Variants in PAK3 observed in about 807,000 individuals in gnomAD.
PAK3 encodes serine/threonine-protein kinase PAK 3.
PAK3 carries 4 observed loss-of-function variants against 41.0 expected under a neutral mutation model. The observed-to-expected ratio is 0.10, with a 90% CI of 0.05 to 0.22. The LOEUF (loss-of-function observed/expected upper bound fraction) is 0.22. PAK3 is among the 10% of genes least tolerant of loss of function. The probability of loss-of-function intolerance (pLI) is 1.00; values close to 1 mark genes in which losing one functional copy is unlikely to be tolerated. For missense variants in PAK3, 205 were observed against 409.9 expected, an observed-to-expected ratio of 0.50 and a Z score of 4.32; for synonymous variants, 146 against 139.6, an observed-to-expected ratio of 1.05 and a Z score of -0.32.
intron 1 of PAK3, among the ~76,000 whole-genome samples, chrX:110,996,463 G>A (rs776891694): frequency 4.5e-4 from 50 of 111,740 alleles, no homozygotes; most frequent in African/African-American, 1.5e-3. Context: ...TAGACTAAAT[G>A]GTTGTGTCTT....
chrX:111,148,019 G>A, intron 7 of PAK3, 129 bp downstream of exon 7: 2 of 529,071 alleles, frequency 3.8e-6, no homozygotes, highest in Non-Finnish European at 3.2e-6. Context: ...ATCAACATAA[G>A]GAAACCAAAA....
At chrX:110,997,652 G>A (rs1319248374) in intron 1 of PAK3, among the ~76,000 whole-genome samples, 1 of 111,579 alleles carries the variant, frequency 9.0e-6, no homozygotes, top group African/African-American at 3.3e-5. Flanking sequence ...GTAGGTTTTA[G>A]GGGAAATATC....
intron 1 of PAK3, among the ~76,000 whole-genome samples, chrX:110,961,741 A>G (rs1357893477): frequency 8.9e-6 from 1 of 111,910 alleles, no homozygotes; most frequent in African/African-American, 3.3e-5. Context: ...CCATTCTCTC[A>G]CCTTCCATTC....
chrX:110,956,279 A>G (rs1182875919), intron 1 of PAK3, among the ~76,000 whole-genome samples: 2 of 111,413 alleles, frequency 1.8e-5, no homozygotes, highest in Admixed American at 9.5e-5. Flanking sequence ...CTTGAGGAAT[A>G]TATAAGATAA....
chrX:111,087,237 CTTCTA>C (rs773184030), intron 1 of PAK3, among the ~76,000 whole-genome samples: 3 of 108,871 alleles, frequency 2.8e-5, no homozygotes, highest in African/African-American at 1.0e-4. Flanking sequence ...ATATTGTAAA[CTTCTA>C]TTCTGCTGAC....
At chrX:110,960,278 T>A (rs1030801049) in intron 1 of PAK3, among the ~76,000 whole-genome samples, 4 of 112,149 alleles carry the variant, frequency 3.6e-5, no homozygotes, top group Non-Finnish European at 7.5e-5. Context: ...GTGAGGGGGA[T>A]AATCAACCAA....
chrX:111,187,371 A>C (rs2094520985), intron 11 of PAK3, among the ~76,000 whole-genome samples: 2 of 112,281 alleles, frequency 1.8e-5, no homozygotes, highest in Admixed American at 1.9e-4. Flanking sequence ...TCAACCAAAT[A>C]ATAATTATCA....
chrX:111,144,554 T>A lies in PAK3; in HGVS notation c.276+2358T>A, dbSNP rs1323534836. On this transcript the variant is annotated intron_variant, in intron 6 of 17. Coordinates refer to ENST00000372007, the MANE Select transcript of PAK3 (RefSeq NM_002578.5). ...TCCTAATTGTCATAGCACCACTAAT[T>A]TATTGTGTGTTGGGAGGGGATCATA... 2.7e-5 allele frequency among the ~76,000 whole-genome samples: 3 copies of A among 111,498 alleles called. No homozygotes were observed. The East Asian group carries it at 8.5e-4, about 31-fold the overall frequency.
intron 1 of PAK3, 53 bp from the exon 2 acceptor site, chrX:111,097,337 G>C (rs1193674748): frequency 9.4e-6 from 1 of 106,742 alleles, no homozygotes; most frequent in African/African-American, 3.4e-5. Flanking sequence ...CAGGCAAGGA[G>C]AGAGATAGAG....
chrX:110,965,459 T>C (rs760878425), intron 1 of PAK3, among the ~76,000 whole-genome samples: 7 of 112,103 alleles, frequency 6.2e-5, no homozygotes, highest in Non-Finnish European at 1.1e-4. Context: ...TGGCTGACAT[T>C]GTCCCCTTCC....
At chrX:111,079,587 G>A (rs1449759311) in intron 1 of PAK3, among the ~76,000 whole-genome samples, 1 of 112,133 alleles carries the variant, frequency 8.9e-6, no homozygotes, top group Non-Finnish European at 1.9e-5. Flanking sequence ...GGAGATTAAT[G>A]TTGTTTTCAT....
At chrX:111,009,365 G>A (rs2091979219) in intron 1 of PAK3, among the ~76,000 whole-genome samples, 1 of 111,923 alleles carries the variant, frequency 8.9e-6, no homozygotes, top group Admixed American at 9.5e-5. Context: ...CCACTGGAAA[G>A]ATTCCAGGTC....
intron 16 of PAK3, among the ~76,000 whole-genome samples, chrX:111,201,223 A>C (rs949465020): frequency 8.0e-5 from 9 of 112,389 alleles, no homozygotes; most frequent in African/African-American, 2.9e-4. Flanking sequence ...AGGCATCAGG[A>C]GTACTTTTTT....
At chrX:111,001,919 C>T (rs761675187) in intron 1 of PAK3, among the ~76,000 whole-genome samples, 12 of 106,777 alleles carry the variant, frequency 1.1e-4, no homozygotes, top group Non-Finnish European at 2.1e-4. Context: ...GACCAGTCCA[C>T]ACAAGAGTGC....
chrX:111,028,001 G>GTGTGTGTATATACACACATATATA (rs780630460), intron 1 of PAK3, among the ~76,000 whole-genome samples: 1 of 96,199 alleles, frequency 1.0e-5, no homozygotes, highest in Admixed American at 1.2e-4. Context: ...ATATGTGTGT[G>GTGTGTGTATATACACACATATATA]TGTGTATATA....
At chrX:111,203,676 A>G (rs1297985088) in intron 16 of PAK3, among the ~76,000 whole-genome samples, 1 of 111,972 alleles carries the variant, frequency 8.9e-6, no homozygotes, top group Non-Finnish European at 1.9e-5. Flanking sequence ...TTATATGGCT[A>G]GAGAAGAGAG....
At chrX:111,105,813 A>G (rs954802063) in intron 4 of PAK3, among the ~76,000 whole-genome samples, 1 of 111,258 alleles carries the variant, frequency 9.0e-6, no homozygotes, top group Non-Finnish European at 1.9e-5. Context: ...AACCATACAC[A>G]CATATTTTTA....
chrX:110,973,560 G>T (rs1247048935), intron 1 of PAK3, among the ~76,000 whole-genome samples: 1 of 111,971 alleles, frequency 8.9e-6, no homozygotes, highest in Admixed American at 9.5e-5. Flanking sequence ...AGCTCCTGAA[G>T]GAAGCACTAA....
chrX:111,068,349 G>C (rs1044211949), intron 1 of PAK3, among the ~76,000 whole-genome samples: 1 of 112,043 alleles, frequency 8.9e-6, no homozygotes, highest in Non-Finnish European at 1.9e-5. Flanking sequence ...GCCCAGGCTG[G>C]AGTGCAGTGG....
Sources: allele counts gnomAD v4.1 joint callset (sites outside exome capture counted in the v4.1 genomes callset), GRCh38; gene constraint gnomAD v4.1.1; transcripts MANE v1.5; gene names NCBI Gene and HGNC (gene_info 2026-07-23, HGNC 2026-07-21).